Variants in FLG observed in about 807,000 individuals in gnomAD.
The protein encoded by FLG is epidermal filaggrin.
FLG carries 6 observed loss-of-function variants against 3.8 expected under a neutral mutation model. The observed-to-expected ratio is 1.60, with a 90% CI of 0.87 to 3.15. The LOEUF is 3.15. FLG is among the 30% of genes most tolerant of loss of function. The pLI is 0.00. For synonymous variants in FLG, 2,551 were observed against 1,931.6 expected, an observed-to-expected ratio of 1.32 and a Z score of -8.41; for missense variants, 7,595 against 5,050.9, an observed-to-expected ratio of 1.50 and a Z score of -15.27.
At position 152,309,439 on chromosome 1, in the gene FLG, T is replaced by A; in HGVS notation, c.5447A>T (p.His1816Leu). 1 of 1,613,370 alleles carries A rather than the reference T, an allele frequency of 6.2e-7. No homozygotes were observed. Among genetic ancestry groups the A allele is most frequent in the Non-Finnish European group, 8.5e-7 (1 of 1,179,934 alleles). Residue 1816 changes from histidine to leucine, a missense_variant, in exon 3 of 3, where the codon CAC becomes CTC. Transcript: ENST00000368799. ...CCTTCCTCCTCTGCTTGACCCTGGG[T>A]GTCCACGAATGGTGTCCTGACCCTC... ...SQEGQDTIRGHPGSSRGGRQG... is the reference protein window; with the variant it reads ...SQEGQDTIRGLPGSSRGGRQG...
chr1:152,321,277 A>G (rs1342026304), intron 1 of FLG, among the ~76,000 whole-genome samples: 1 of 150,948 alleles, frequency 6.6e-6, no homozygotes, highest in Non-Finnish European at 1.5e-5. Flanking sequence ...TATTTCAAGA[A>G]GTTTTAAAAA....
rs747380551 is a variant in FLG, at chr1:152,309,515, T to C, written c.5371A>G (p.Arg1791Gly). The change falls in exon 3 of 3, where the codon AGA becomes GGA. Residue 1791 changes from arginine (R) to glycine (G), a missense_variant. Physicochemically the swap from Arg to Gly is moderately radical, Grantham distance 125. Coordinates refer to ENST00000368799, the MANE Select transcript of FLG (RefSeq NM_002016.2). ...TCTCGTGCCTGCTCGTGGCGGGATC[T>C]TTGTCTTCCTCCAGTGCTGGGCCCT... ...RTGPSTGGRQ[R>G]SRHEQARDSS... 33 of 1,613,448 alleles carry C rather than the reference T, an allele frequency of 2.0e-5. No homozygotes were observed. The South Asian group carries it at 2.6e-4, about 13-fold the overall frequency.
Position 152,311,168 on chromosome 1 carries a change from C to T in FLG, c.3718G>A (p.Ala1240Thr), listed in dbSNP as rs765832542. 5 of 1,613,760 alleles carry T rather than the reference C, an allele frequency of 3.1e-6. No homozygotes were observed. The East Asian group carries it at 1.1e-4, about 36-fold the overall frequency. Residue 1240 changes from alanine (A) to threonine (T), a missense_variant, in exon 3 of 3, where the codon GCT becomes ACT. Ala to Thr is a moderately conservative substitution (Grantham distance 58, BLOSUM62 0). Transcript: ENST00000368799. Reference sequence around the variant, plus strand: ...CTAGAGCTGTCAGCCCAAGAGGCAGCTTCATGGTGACGTGACCCTGAGTGC... The same window carrying T: ...CTAGAGCTGTCAGCCCAAGAGGCAGTTTCATGGTGACGTGACCCTGAGTGC... ...SRHSGSRHHE[A>T]ASWADSSRHS...
In FLG at chr1:152,311,037, G is replaced by A. The variant is rs576683386; in HGVS notation, c.3849C>T (p.Ser1283=). 1.4e-4 allele frequency: 231 copies of A among 1,613,646 alleles called. No individual in the cohort carries two copies. In the African/African-American group the frequency reaches 1.5e-3, roughly 11 times the overall value. ...TGGAAGCAGACCCAGACAACCTCTC[G>A]GAGTCGTCTGAGTGTCTCTCACTGT... ...DSDSERHSDD[S]ERLSGSASRN... is the part of the protein sequence containing the mutation. Residue 1283 remains serine, a synonymous_variant, in exon 3 of 3, where the codon TCC becomes TCT. Coordinates refer to ENST00000368799, the MANE Select transcript of FLG (RefSeq NM_002016.2).
At chr1:152,316,208 A>G (rs1414937048) in intron 1 of FLG, among the ~76,000 whole-genome samples, 6 of 152,172 alleles carry the variant, frequency 3.9e-5, no homozygotes, top group Non-Finnish European at 7.4e-5. Context: ...GTAGAAAACA[A>G]TGTGAAGGAG....
In FLG at chr1:152,307,622, C is replaced by T. The variant is rs374588791; in HGVS notation, c.7264G>A (p.Glu2422Lys). The T allele has an allele frequency of 6.2e-6, 10 of 1,613,564 alleles. No homozygotes were observed. The highest frequency in any genetic ancestry group is 8.5e-6 in the Non-Finnish European group (10 of 1,179,908). ...CGTCCATGGGCGGACTCAGACTGTTCATGAGTGCTCACCTGGTAGAGGAAA... is the reference window on the plus strand; with the variant it reads ...CGTCCATGGGCGGACTCAGACTGTTTATGAGTGCTCACCTGGTAGAGGAAA... ...GSFLYQVSTH[E>K]QSESAHGRTG... is the part of the protein sequence containing the mutation. The change falls in exon 3 of 3, where the codon GAA (glutamate) becomes AAA (lysine). Residue 2422 changes from glutamate (E) to lysine (K), a missense_variant. Coordinates refer to ENST00000368799, the MANE Select transcript of FLG (RefSeq NM_002016.2).
At chr1:152,321,222 A>G (rs990198269) in intron 1 of FLG, among the ~76,000 whole-genome samples, 1 of 150,996 alleles carries the variant, frequency 6.6e-6, no homozygotes, top group South Asian at 2.1e-4. Context: ...TTGTGTGTGT[A>G]TATATATGTA....
In FLG at chr1:152,303,246, A is replaced by G; in HGVS notation, c.11640T>C (p.Ser3880=). 1 of 1,613,986 alleles carries G rather than the reference A, an allele frequency of 6.2e-7. No individual in the cohort carries two copies. The highest frequency in any genetic ancestry group is 8.5e-7 in the Non-Finnish European group (1 of 1,180,002). Residue 3880 remains serine, a synonymous_variant, in exon 3 of 3, where the codon TCT becomes TCC. Coordinates refer to ENST00000368799, the MANE Select transcript of FLG (RefSeq NM_002016.2). Reference sequence around the variant, plus strand: ...CATGATGGTTTCTGGAAGCAGACTCAGATCGCCTCTCAGAGTCCTCTGGGT... The same window carrying G: ...CATGATGGTTTCTGGAAGCAGACTCGGATCGCCTCTCAGAGTCCTCTGGGT... ...EAYPEDSERR[S]ESASRNHHGS...
rs201718564 is a variant in FLG, at chr1:152,305,257, C to T, written c.9629G>A (p.Arg3210His). 740 of 1,612,418 alleles carry T rather than the reference C, an allele frequency of 4.6e-4. 2 individuals carry two copies. Among genetic ancestry groups the T allele is most frequent in the East Asian group, 4.3e-3 (194 of 44,622 alleles). ...GTCCTGGCTCACACTGGATCCCTGG[C>T]GCCTGCTTCTCCTGGACCCCTCTGA... ...GQSEGSRRSR[R>H]QGSSVSQDSD... The change falls in exon 3 of 3, where the codon CGC becomes CAC. Residue 3210 changes from arginine (R) to histidine (H), a missense_variant. Arg to His is a conservative substitution (Grantham distance 29). Coordinates refer to ENST00000368799, the MANE Select transcript of FLG (RefSeq NM_002016.2).
At chr1:152,316,023 T>G (rs1652777664) in intron 1 of FLG, among the ~76,000 whole-genome samples, 1 of 152,184 alleles carries the variant, frequency 6.6e-6, no homozygotes, top group South Asian at 2.1e-4. Context: ...TTAATAGCTC[T>G]TCAATATTTA....
chr1:152,324,903 C>A (rs541762410), intron 1 of FLG, among the ~76,000 whole-genome samples: 1 of 151,934 alleles, frequency 6.6e-6, no homozygotes, highest in South Asian at 2.1e-4. Context: ...TAGTTCACTG[C>A]TGCATAGATA....
chr1:152,308,423 C>G lies in FLG; in HGVS notation c.6463G>C (p.Glu2155Gln). Residue 2155 changes from glutamate (E) to glutamine (Q), a missense_variant, in exon 3 of 3, where the codon GAG becomes CAG. Transcript: ENST00000368799. ...SRGGRQGSHQ[E>Q]QSVDRSGHSG... ...TGTCCAGACCTATCTACCGATTGCT[C>G]TTGGTGGGACCCCTGTCTTCCTCCT... 1.9e-6 allele frequency: 3 copies of G among 1,613,904 alleles called. No homozygotes were observed. Among genetic ancestry groups the G allele is most frequent in the Non-Finnish European group, 2.5e-6 (3 of 1,179,910 alleles).
chr1:152,308,213 C>T lies in FLG; in HGVS notation c.6673G>A (p.Val2225Met), dbSNP rs372077955. The change falls in exon 3 of 3, where the codon GTG (valine) becomes ATG (methionine). Residue 2225 changes from valine to methionine, a missense_variant. By Grantham distance (21) the Val-to-Met change is conservative. Transcript: ENST00000368799. The part of the protein sequence containing the change: ...SWADSSRHSL[V>M]GQGQSSGPRT... The stretch of plus-strand genomic sequence containing the variant: ...GGCCCTGATGATTGTCCCTGGCCCA[C>T]CAGTGAGTGTCTAGAGCTGTCGGCC... The T allele has an allele frequency of 3.1e-6, 5 of 1,613,898 alleles. No homozygotes were observed. In the African/African-American group the frequency reaches 5.3e-5, roughly 17 times the overall value.
Position 152,308,861 on chromosome 1 carries a change from G to C in FLG, c.6025C>G (p.His2009Asp), listed in dbSNP as rs547875426. 6.2e-7 allele frequency: 1 copy of C among 1,614,142 alleles called. No individual in the cohort carries two copies. Among genetic ancestry groups the C allele is most frequent in the Middle Eastern group, 1.6e-4 (1 of 6,062 alleles). Residue 2009 changes from histidine to aspartate, a missense_variant, in exon 3 of 3, where the codon CAC becomes GAC. Coordinates refer to ENST00000368799, the MANE Select transcript of FLG (RefSeq NM_002016.2). The part of the protein sequence containing the change: ...SSAGERHGSH[H>D]QLQSADSSRH... The stretch of plus-strand genomic sequence containing the variant: ...GAGCTGTCTGCTGACTGGAGCTGGT[G>C]GTGGGATCCATGTCTTTCTCCTGCA...
In FLG at chr1:152,314,274, A is replaced by T. The variant is rs186253117; in HGVS notation, c.612T>A (p.Leu204=). Residue 204 remains leucine, a synonymous_variant, in exon 3 of 3, where the codon CTT becomes CTA. Transcript: ENST00000368799. Reference sequence around the variant, plus strand: ...CTTCTTCATTGTCTTCTTTCTCTTCAAGTCTTTCACTTAGCCTCTTCCTAT... The same window carrying T: ...CTTCTTCATTGTCTTCTTTCTCTTCTAGTCTTTCACTTAGCCTCTTCCTAT... The part of the protein sequence containing the change: ...GDNRKRLSER[L]EEKEDNEEGV... 2 of 1,612,462 alleles carry T rather than the reference A, an allele frequency of 1.2e-6. No homozygotes were observed. Among genetic ancestry groups the T allele is most frequent in the East Asian group, 2.2e-5 (1 of 44,820 alleles).
Position 152,310,271 on chromosome 1 carries a change from T to G in FLG, c.4615A>C (p.Ser1539Arg), listed in dbSNP as rs536230632. 1 of 1,613,896 alleles carries G rather than the reference T, an allele frequency of 6.2e-7. No homozygotes were observed. Among genetic ancestry groups the G allele is most frequent in the South Asian group, 1.1e-5 (1 of 91,068 alleles). Residue 1539 changes from serine (S) to arginine (R), a missense_variant, in exon 3 of 3, where the codon AGT (serine) becomes CGT (arginine). By Grantham distance (110) the Ser-to-Arg change is moderately radical. Coordinates refer to ENST00000368799, the MANE Select transcript of FLG (RefSeq NM_002016.2). ...DASHGQSGPR[S>R]ASRQTRNEEQ... is the part of the protein sequence containing the mutation. Reference sequence around the variant, plus strand: ...TCATTTCTTGTTTGCCTGCTTGCACTTCTGGGTCCTGACTGCCCATGGGAG... The same window carrying G: ...TCATTTCTTGTTTGCCTGCTTGCACGTCTGGGTCCTGACTGCCCATGGGAG...
In FLG at chr1:152,305,332, G is replaced by A. The variant is rs140128903; in HGVS notation, c.9554C>T (p.Ala3185Val). 1.1e-5 allele frequency: 17 copies of A among 1,609,454 alleles called. No individual in the cohort carries two copies. The highest frequency in any genetic ancestry group is 1.4e-5 in the Non-Finnish European group (17 of 1,178,890). The change falls in exon 3 of 3, where the codon GCT (alanine) becomes GTT (valine). Residue 3185 changes from alanine (A) to valine (V), a missense_variant. By Grantham distance (64) the Ala-to-Val change is moderately conservative (BLOSUM62 0). Coordinates refer to ENST00000368799, the MANE Select transcript of FLG (RefSeq NM_002016.2). The stretch of plus-strand genomic sequence containing the variant: ...TCTAGAGATGTCGGCATGAGTGGAA[G>A]CTTCATGGTGACGTGACACTGAGTG... ...SRHSVSRHHE[A>V]STHADISRHS...
chr1:152,307,031 A>C lies in FLG; in HGVS notation c.7855T>G (p.Ser2619Ala). 6.2e-7 allele frequency: 1 copy of C among 1,601,700 alleles called. No homozygotes were observed. The highest frequency in any genetic ancestry group is 8.5e-7 in the Non-Finnish European group (1 of 1,177,292). The change falls in exon 3 of 3, where the codon TCT (serine) becomes GCT (alanine). Residue 2619 changes from serine (S) to alanine (A), a missense_variant. Coordinates refer to ENST00000368799, the MANE Select transcript of FLG (RefSeq NM_002016.2). The part of the protein sequence containing the change: ...HQEDRAGHGH[S>A]ADSSRQSGTR... The stretch of plus-strand genomic sequence containing the variant: ...CCTGATTGTCTGGAGCTGTCTGCAG[A>C]GTGCCCATGACCAGCTCTGTCTTCT...
At position 152,311,095 on chromosome 1, in the gene FLG, C is replaced by T. The variant is rs902207448; in HGVS notation, c.3791G>A (p.Arg1264Lys). ...CTGGCTAACACTGGATCCCTGGTGC[C>T]TGCTTGTCCTGGACCCCGATGATTG... Reference protein sequence around the residue: ...QEQSSGSRTSRHQGSSVSQDS... With the variant: ...QEQSSGSRTSKHQGSSVSQDS... The change falls in exon 3 of 3, where the codon AGG (arginine) becomes AAG (lysine). Residue 1264 changes from arginine to lysine, a missense_variant. Physicochemically the swap from Arg to Lys is conservative, Grantham distance 26. Transcript: ENST00000368799. 1.2e-6 allele frequency: 2 copies of T among 1,613,962 alleles called. No individual in the cohort carries two copies. Among genetic ancestry groups the T allele is most frequent in the African/African-American group, 1.3e-5 (1 of 74,982 alleles).
Sources: gnomAD v4.1 joint callset for allele counts (sites outside exome capture counted in the v4.1 genomes callset) on GRCh38, gnomAD v4.1.1 for gene constraint, MANE v1.5 for transcripts, NCBI Gene and HGNC (gene_info 2026-07-23, HGNC 2026-07-21) for gene names.